Variants in LNX1 observed in about 807,000 individuals in gnomAD.
LNX1 encodes E3 ubiquitin-protein ligase LNX.
Under a neutral mutation model 68.4 loss-of-function variants are expected in LNX1, and 54 were observed. The ratio of observed to expected loss-of-function variants is 0.79; its 90% CI spans 0.63 to 0.99. The LOEUF is 0.99. Among genes scored for constraint, LNX1 ranks in the 50% least tolerant of loss-of-function variants. The probability of loss-of-function intolerance (pLI) is 0.00; values close to 1 mark genes in which losing one functional copy is unlikely to be tolerated. For synonymous variants in LNX1, 336 were observed against 350.0 expected, an observed-to-expected ratio of 0.96 and a Z score of 0.45; for missense variants, 906 against 926.4, an observed-to-expected ratio of 0.98 and a Z score of 0.29.
intron 1 of LNX1, among the ~76,000 whole-genome samples, chr4:53,624,778 G>A (rs1206899528): frequency 6.6e-6 from 1 of 152,104 alleles, no homozygotes; most frequent in African/African-American, 2.4e-5. Flanking sequence ...AGCACTGCAC[G>A]TGCACAGTAG....
chr4:53,516,689 C>G (rs1175790629), intron 2 of LNX1, among the ~76,000 whole-genome samples: 2 of 152,194 alleles, frequency 1.3e-5, no homozygotes, highest in Admixed American at 1.3e-4. Context: ...GAGGAAAGAA[C>G]AGACCTGAAG....
intron 2 of LNX1, among the ~76,000 whole-genome samples, chr4:53,569,574 A>G (rs1560672373): frequency 6.8e-6 from 1 of 147,778 alleles, no homozygotes; most frequent in Non-Finnish European, 1.5e-5. Flanking sequence ...AAGAAAACCT[A>G]GGCATTACCA....
chr4:53,572,158 T>C (rs1731208628), intron 2 of LNX1, among the ~76,000 whole-genome samples: 1 of 152,154 alleles, frequency 6.6e-6, no homozygotes, highest in African/African-American at 2.4e-5. Context: ...CCAACTCCTG[T>C]TGGCATCTAC....
intron 6 of LNX1, among the ~76,000 whole-genome samples, chr4:53,482,271 T>C (rs1159315185): frequency 6.6e-6 from 1 of 152,114 alleles, no homozygotes; most frequent in African/African-American, 2.4e-5. Flanking sequence ...GAAAAAGAGA[T>C]GGAGTTAATG....
chr4:53,528,193 G>C (rs1299646486), intron 2 of LNX1, among the ~76,000 whole-genome samples: 1 of 152,110 alleles, frequency 6.6e-6, no homozygotes, highest in East Asian at 1.9e-4. Context: ...TCAATCATTG[G>C]GGGTCATCCA....
At chr4:53,536,645 T>C (rs1489157858) in intron 2 of LNX1, among the ~76,000 whole-genome samples, 1 of 152,224 alleles carries the variant, frequency 6.6e-6, no homozygotes, top group East Asian at 1.9e-4. Context: ...ATAAAAAGTT[T>C]TGCAAATACT....
At chr4:53,464,213 C>T (rs950408654) in intron 9 of LNX1, among the ~76,000 whole-genome samples, 1 of 151,970 alleles carries the variant, frequency 6.6e-6, no homozygotes, top group Non-Finnish European at 1.5e-5. Flanking sequence ...AACTTCCTGG[C>T]CCCAATTTAT....
At chr4:53,570,962 G>A (rs1262041993) in intron 2 of LNX1, among the ~76,000 whole-genome samples, 1 of 151,728 alleles carries the variant, frequency 6.6e-6, no homozygotes, top group Non-Finnish European at 1.5e-5. Context: ...GGGAGGCCGA[G>A]CTTGTGGTGA....
chr4:53,540,708 A>C (rs910002842), intron 2 of LNX1, among the ~76,000 whole-genome samples: 14 of 151,316 alleles, frequency 9.3e-5, no homozygotes, highest in Non-Finnish European at 1.6e-4. Flanking sequence ...AAACAAAAAA[A>C]CCCCCCTGTT....
intron 8 of LNX1, among the ~76,000 whole-genome samples, chr4:53,478,054 C>T (rs1357431516): frequency 6.6e-6 from 1 of 152,090 alleles, no homozygotes; most frequent in African/African-American, 2.4e-5. Context: ...CCTTTATTTA[C>T]TCAAAGTAGC....
At chr4:53,611,230 G>C (rs943526926) in intron 2 of LNX1, among the ~76,000 whole-genome samples, 1 of 151,808 alleles carries the variant, frequency 6.6e-6, no homozygotes, top group African/African-American at 2.4e-5. Context: ...GAAAAAAAAA[G>C]TCTAAAATAG....
chr4:53,467,301 TAACA>T (rs1008377949), intron 9 of LNX1, among the ~76,000 whole-genome samples: 9 of 151,968 alleles, frequency 5.9e-5, no homozygotes, highest in Non-Finnish European at 8.8e-5. Context: ...GAAGGAAAAC[TAACA>T]AACAGAAAGG....
At chr4:53,568,822 C>T (rs1420975845) in intron 2 of LNX1, among the ~76,000 whole-genome samples, 5 of 152,108 alleles carry the variant, frequency 3.3e-5, no homozygotes, top group African/African-American at 4.8e-5. Context: ...AGTCTCAGGA[C>T]ACAAAATCAA....
intron 1 of LNX1, among the ~76,000 whole-genome samples, chr4:53,584,161 T>TGGTTTTTTTTC (rs1256385099): frequency 6.6e-6 from 1 of 151,782 alleles, no homozygotes; most frequent in Non-Finnish European, 1.5e-5. Context: ...TCTGTTGTTG[T>TGGTTTTTTTTC]TGTTTTTTTT....
In LNX1 at chr4:53,508,017, T is replaced by C; in HGVS notation, c.591A>G (p.Pro197=). 1 of 1,614,140 alleles carries C rather than the reference T, an allele frequency of 6.2e-7. No individual in the cohort carries two copies. The part of the protein sequence containing the change: ...SAEDGQPAIS[P]VDSGRSNRTR... ...TTCGGTTGCTCCGGCCAGAGTCCAC[T>C]GGGCTGATTGCTGGCTGCCCGTCCT... Residue 197 remains proline (P), a synonymous_variant, in exon 3 of 11, where the codon CCA becomes CCG. Coordinates refer to ENST00000263925, the MANE Select transcript of LNX1 (RefSeq NM_001126328.3).
intron 2 of LNX1, among the ~76,000 whole-genome samples, chr4:53,526,539 A>G (rs1363258863): frequency 6.6e-6 from 1 of 151,988 alleles, no homozygotes; most frequent in Admixed American, 6.6e-5. Context: ...GCTTTTCACA[A>G]TAACAGTGAT....
chr4:53,555,879 T>C (rs1451018341), intron 2 of LNX1, among the ~76,000 whole-genome samples: 1 of 152,192 alleles, frequency 6.6e-6, no homozygotes, highest in Non-Finnish European at 1.5e-5. Context: ...TATGTACTTG[T>C]AGAAGAGAAA....
At chr4:53,478,231 C>T (rs1723688784) in intron 8 of LNX1, among the ~76,000 whole-genome samples, 2 of 151,862 alleles carry the variant, frequency 1.3e-5, no homozygotes, top group Non-Finnish European at 1.5e-5. Context: ...ATTCCACCAC[C>T]GGATCAACCC....
At chr4:53,557,760 C>T in intron 2 of LNX1, 1 of 1,247,722 alleles carries the variant, frequency 8.0e-7, no homozygotes, top group Non-Finnish European at 1.1e-6. Flanking sequence ...TGTCCAAGTG[C>T]ATCTAGTATG....
Sources: gnomAD v4.1 joint callset for allele counts (sites outside exome capture counted in the v4.1 genomes callset) on GRCh38, gnomAD v4.1.1 for gene constraint, MANE v1.5 for transcripts, NCBI Gene and HGNC (gene_info 2026-07-23, HGNC 2026-07-21) for gene names.